FGD6: variants seen among roughly 807,000 people sequenced by gnomAD.
FGD6 encodes FYVE, RhoGEF and PH domain containing 6, also known as FYVE, RhoGEF and PH domain-containing protein 6.
In FGD6, 90 loss-of-function variants were observed where a neutral mutation model predicts 149.4. That is an observed-to-expected ratio of 0.60 (90% CI 0.51 to 0.72). The LOEUF is 0.72. FGD6 is among the 30% of genes least tolerant of loss of function. The pLI is 0.00. For synonymous variants in FGD6, 527 were observed against 584.0 expected, an observed-to-expected ratio of 0.90 and a Z score of 1.41; for missense variants, 1,437 against 1,684.8, an observed-to-expected ratio of 0.85 and a Z score of 2.57.
At chr12:95,193,055 A>T (rs1881636743) in intron 2 of FGD6, among the ~76,000 whole-genome samples, 1 of 152,188 alleles carries the variant, frequency 6.6e-6, no homozygotes, top group Non-Finnish European at 1.5e-5. Flanking sequence ...GCTGGTAGGA[A>T]AGCAAAATGG....
chr12:95,117,679 G>A (rs567177613), intron 8 of FGD6, among the ~76,000 whole-genome samples: 1 of 152,214 alleles, frequency 6.6e-6, no homozygotes, highest in East Asian at 1.9e-4. Context: ...CTCTCACCCT[G>A]GCCTCCCAAA....
intron 5 of FGD6, among the ~76,000 whole-genome samples, chr12:95,149,655 T>G (rs1880235264): frequency 3.6e-5 from 1 of 27,934 alleles, no homozygotes; most frequent in Non-Finnish European, 5.2e-5. Context: ...AACCCTTTTT[T>G]CAAAAAAAAA....
rs547775401 is a variant in FGD6, at chr12:95,147,261, T to C, written c.2685+5550A>G. On this transcript the variant is annotated intron_variant, in intron 5 of 20. Transcript: ENST00000343958. ...GTGGGAAAGTCCCCACATTAACCAT[T>C]TGACTTTGTTTTTAAAATAAAAATA... 1.3e-3 allele frequency among the ~76,000 whole-genome samples: 202 copies of C among 152,280 alleles called. 1 individual carries two copies. The highest frequency in any genetic ancestry group is 4.7e-3 in the African/African-American group (195 of 41,566).
At chr12:95,205,418 G>A (rs1476787022) in intron 2 of FGD6, among the ~76,000 whole-genome samples, 5 of 152,118 alleles carry the variant, frequency 3.3e-5, no homozygotes, top group Admixed American at 2.6e-4. Context: ...TAAAATACAT[G>A]ATTCAGTGAA....
rs2056706601 is a variant in FGD6, at chr12:95,208,912, T to C, written c.2372A>G (p.Tyr791Cys). 1 of 1,614,150 alleles carries C rather than the reference T, an allele frequency of 6.2e-7. No individual in the cohort carries two copies. The highest frequency in any genetic ancestry group is 8.5e-7 in the Non-Finnish European group (1 of 1,180,014). The change falls in exon 2 of 21, where the codon TAT becomes TGT. Residue 791 changes from tyrosine to cysteine, a missense_variant. Around this residue, in one of 2 missense-constraint regions of FGD6, gnomAD observed 1,055 missense variants for 1,146.0 expected, o/e 0.92. Transcript: ENST00000343958. Reference sequence around the variant, plus strand: ...AGCTTCATACGGCTCTTCTACCTCATACACATTTGCATCAGCGTCCTCCAT... The same window carrying C: ...AGCTTCATACGGCTCTTCTACCTCACACACATTTGCATCAGCGTCCTCCAT... ...SSMEDADANV[Y>C]EVEEPYEAPD...
intron 6 of FGD6, among the ~76,000 whole-genome samples, chr12:95,138,246 A>C (rs183922432): frequency 6.1e-4 from 88 of 143,866 alleles, no homozygotes; most frequent in Non-Finnish European, 8.8e-4. Flanking sequence ...ATAAATAAAT[A>C]ACTCACTCAC....
intron 7 of FGD6, 90 bp downstream of exon 7, chr12:95,137,432 C>A: frequency 8.5e-7 from 1 of 1,181,428 alleles, no homozygotes; most frequent in Non-Finnish European, 1.1e-6. Context: ...TCTTTGTTTG[C>A]AAGCTTTGTT....
chr12:95,153,950 T>A (rs7487743), intron 3 of FGD6, among the ~76,000 whole-genome samples: 16,733 of 141,222 alleles, frequency 0.12, 1,287 homozygotes, highest in African/African-American at 0.23. Flanking sequence ...TGTGTGTGAG[T>A]GAGAGAGAGA....
Position 95,210,919 on chromosome 12 carries a change from T to C in FGD6, c.365A>G (p.His122Arg). ...CSSECIHKLG[H>R]RENLCVKQLV... The stretch of plus-strand genomic sequence containing the variant: ...CTGCTTTACACACAAATTCTCTCTA[T>C]GGCCCAGCTTATGGATACACTCAGA... The change falls in exon 2 of 21, where the codon CAT becomes CGT. Residue 122 changes from histidine to arginine, a missense_variant. This residue lies in a region of FGD6 where 1,055 missense variants were observed against 1,146.0 expected (regional missense o/e 0.92). Transcript: ENST00000343958. 1 of 1,614,144 alleles carries C rather than the reference T, an allele frequency of 6.2e-7. No homozygotes were observed.
intron 2 of FGD6, among the ~76,000 whole-genome samples, chr12:95,178,101 A>C (rs1881184063): frequency 1.3e-5 from 2 of 151,990 alleles, no homozygotes; most frequent in African/African-American, 4.8e-5. Flanking sequence ...TCTCCTTTTC[A>C]GGTCTTCTCA....
At chr12:95,148,897 T>C (rs190738422) in intron 5 of FGD6, among the ~76,000 whole-genome samples, 1 of 27,998 alleles carries the variant, frequency 3.6e-5, no homozygotes, top group Non-Finnish European at 5.6e-5. Context: ...TTATATAAGA[T>C]ATAGCATATA....
chr12:95,198,438 A>T (rs531687277), intron 2 of FGD6, among the ~76,000 whole-genome samples: 21 of 151,334 alleles, frequency 1.4e-4, no homozygotes, highest in African/African-American at 5.1e-4. Flanking sequence ...AGCGATTACT[A>T]TTTTTTTTTC....
intron 9 of FGD6, among the ~76,000 whole-genome samples, chr12:95,109,828 T>G (rs1316313552): frequency 6.6e-6 from 1 of 152,098 alleles, no homozygotes; most frequent in Non-Finnish European, 1.5e-5. Flanking sequence ...CACCACTGCA[T>G]TCCAGCCTAG....
intron 3 of FGD6, among the ~76,000 whole-genome samples, chr12:95,157,880 G>A (rs553105889): frequency 3.6e-4 from 55 of 151,978 alleles, no homozygotes; most frequent in Non-Finnish European, 7.2e-4. Flanking sequence ...ACAGAGTCTC[G>A]TTCTGTCGCC....
intron 15 of FGD6, among the ~76,000 whole-genome samples, chr12:95,093,077 CG>C (rs1342177937): frequency 1.3e-5 from 2 of 151,916 alleles, no homozygotes. Flanking sequence ...AAAAATTAGC[CG>C]GGTGTGGTGG....
In FGD6 at chr12:95,210,416, T is replaced by G; in HGVS notation, c.868A>C (p.Ser290Arg). The change falls in exon 2 of 21, where the codon AGT becomes CGT. Residue 290 changes from serine to arginine, a missense_variant. Transcript: ENST00000343958. ...RSTLISSDGV[S>R]KKSEVKDLGP... Reference sequence around the variant, plus strand: ...AGGTCTTTGACTTCTGATTTCTTACTAACTCCATCTGAAGATATTAAAGTA... The same window carrying G: ...AGGTCTTTGACTTCTGATTTCTTACGAACTCCATCTGAAGATATTAAAGTA... 1 of 1,614,132 alleles carries G rather than the reference T, an allele frequency of 6.2e-7. No individual in the cohort carries two copies. The highest frequency in any genetic ancestry group is 8.5e-7 in the Non-Finnish European group (1 of 1,180,024).
At chr12:95,170,630 G>A (rs755121551) in intron 3 of FGD6, among the ~76,000 whole-genome samples, 11 of 152,106 alleles carry the variant, frequency 7.2e-5, no homozygotes, top group South Asian at 2.1e-4. Context: ...CAACAAGAGC[G>A]AAACTCCTTC....
chr12:95,166,610 G>A (rs1175769360), intron 3 of FGD6, among the ~76,000 whole-genome samples: 3 of 151,938 alleles, frequency 2.0e-5, no homozygotes, highest in African/African-American at 7.3e-5. Context: ...AGGAAGGGAC[G>A]AGAGATCACT....
chr12:95,209,487 G>T lies in FGD6; in HGVS notation c.1797C>A (p.Thr599=). 1 of 1,613,298 alleles carries T rather than the reference G, an allele frequency of 6.2e-7. No homozygotes were observed. Among genetic ancestry groups the T allele is most frequent in the African/African-American group, 1.3e-5 (1 of 74,990 alleles). Residue 599 remains threonine, a synonymous_variant, in exon 2 of 21, where the codon ACC becomes ACA. Coordinates refer to ENST00000343958, the MANE Select transcript of FGD6 (RefSeq NM_018351.4). ...CAGATAACGATTTTGCTCTGGGCTT[G>T]GTTAGGGCTGTTGAAGGCTCACTGT... is the stretch of plus-strand genomic sequence containing the variant. ...SSNSEPSTAL[T]KPRAKSLSAM... is the part of the protein sequence containing the mutation.
Sources: allele counts gnomAD v4.1 joint callset (sites outside exome capture counted in the v4.1 genomes callset), GRCh38; gene constraint gnomAD v4.1.1; regional missense constraint gnomAD v4.1.1; transcripts MANE v1.5; gene names NCBI Gene and HGNC (gene_info 2026-07-23, HGNC 2026-07-21).